XRCC5: variants seen among roughly 807,000 people sequenced by gnomAD.
XRCC5 encodes the protein X-ray repair cross complementing 5, also known as DNA repair protein Ku80.
A neutral mutation model predicts 95.7 loss-of-function variants in XRCC5; 12 were observed. The ratio of observed to expected loss-of-function variants is 0.13; its 90% CI spans 0.08 to 0.20. XRCC5 has a LOEUF of 0.20. Among genes scored for constraint, XRCC5 ranks in the 10% least tolerant of loss-of-function variants. The pLI is 1.00. For synonymous variants in XRCC5, 281 were observed against 290.3 expected (o/e 0.97, Z 0.33); for missense variants, 595 against 873.9 (o/e 0.68, Z 4.02).
chr2:216,128,590 C>T (rs1297183710), intron 8 of XRCC5, among the ~76,000 whole-genome samples: 1 of 152,126 alleles, frequency 6.6e-6, no homozygotes, highest in Non-Finnish European at 1.5e-5. Flanking sequence ...AATCATGGTT[C>T]CATCATTGGT....
At chr2:216,137,760 C>T (rs1462644574) in intron 11 of XRCC5, among the ~76,000 whole-genome samples, 3 of 152,192 alleles carry the variant, frequency 2.0e-5, no homozygotes, top group East Asian at 1.9e-4. Flanking sequence ...TTACTGTGGC[C>T]GAACTGGAAA....
Position 216,178,637 on chromosome 2 carries a change from G to C in XRCC5, c.1835-11588G>C, listed in dbSNP as rs575842389. On this transcript the variant is annotated intron_variant, in intron 16 of 20. Transcript: ENST00000392132. ...CATGCATATAATCATGACAATGTTG[G>C]ATGTGATATCTCATCCCTGTACATC... 1.6e-3 allele frequency among the ~76,000 whole-genome samples: 246 copies of C among 152,288 alleles called. 2 individuals carry two copies. Among genetic ancestry groups the C allele is most frequent in the African/African-American group, 5.7e-3 (236 of 41,546 alleles).
intron 14 of XRCC5, among the ~76,000 whole-genome samples, chr2:216,154,969 AAAAC>A (rs201362223): frequency 0.011 from 1,672 of 152,238 alleles, 14 homozygotes; most frequent in Admixed American, 0.026. Context: ...CTTATTAAAA[AAAAC>A]CATTTATCAT....
chr2:216,193,994 C>T (rs1418625919), intron 18 of XRCC5, among the ~76,000 whole-genome samples: 2 of 152,202 alleles, frequency 1.3e-5, no homozygotes, highest in Non-Finnish European at 2.9e-5. Flanking sequence ...ACCATGTTTT[C>T]TTCCTCCCTA....
intron 6 of XRCC5, among the ~76,000 whole-genome samples, chr2:216,125,004 G>C (rs1190501794): frequency 6.6e-6 from 1 of 152,142 alleles, no homozygotes; most frequent in Non-Finnish European, 1.5e-5. Flanking sequence ...GCTTTACCTT[G>C]AGACTAAATA....
chr2:216,131,465 G>A (rs1204010605), intron 9 of XRCC5, among the ~76,000 whole-genome samples: 1 of 152,164 alleles, frequency 6.6e-6, no homozygotes, highest in Non-Finnish European at 1.5e-5. Context: ...TGGTAGATAA[G>A]TGCAGGTGGT....
chr2:216,113,161 C>A (rs1408907264), intron 2 of XRCC5, 32 bp downstream of exon 2: 1 of 1,581,132 alleles, frequency 6.3e-7, no homozygotes, highest in South Asian at 1.1e-5. Flanking sequence ...AGCTTGTAAC[C>A]CATGTTTGAA....
intron 10 of XRCC5, among the ~76,000 whole-genome samples, chr2:216,134,680 C>G (rs1010955625): frequency 3.2e-4 from 49 of 151,476 alleles, no homozygotes; most frequent in East Asian, 3.9e-4. Context: ...CCACCCCCCC[C>G]CCTCCTCGGC....
chr2:216,147,975 G>A, intron 13 of XRCC5, 108 bp from the exon 14 acceptor site: 1 of 1,193,352 alleles, frequency 8.4e-7, no homozygotes, highest in African/African-American at 1.6e-5. Context: ...CATGTGGTAT[G>A]AATCACTTAG....
At chr2:216,135,698 C>G (rs1416622252) in intron 10 of XRCC5, among the ~76,000 whole-genome samples, 1 of 151,888 alleles carries the variant, frequency 6.6e-6, no homozygotes. Flanking sequence ...ACTCGGGAGG[C>G]TGAGGCACAA....
At chr2:216,144,206 A>C (rs1342888586) in intron 13 of XRCC5, among the ~76,000 whole-genome samples, 1 of 152,236 alleles carries the variant, frequency 6.6e-6, no homozygotes, top group Non-Finnish European at 1.5e-5. Flanking sequence ...AAGGCGGTGC[A>C]TGTGGTAAGG....
At position 216,190,283 on chromosome 2, in the gene XRCC5, T is replaced by C; in HGVS notation, c.1893T>C (p.Tyr631=). 6.2e-7 allele frequency: 1 copy of C among 1,614,100 alleles called. No homozygotes were observed. Among genetic ancestry groups the C allele is most frequent in the Non-Finnish European group, 8.5e-7 (1 of 1,179,964 alleles). ...EQFLDTNETP[Y]FMKSIDCIRA... is the part of the protein sequence containing the mutation. ...TTTTGGATACTAATGAAACACCGTA[T>C]TTTATGAAGAGCATAGACTGCATCC... The change falls in exon 17 of 21, where the codon TAT becomes TAC. Residue 631 remains tyrosine (Y), a synonymous_variant. Coordinates refer to ENST00000392132, the MANE Select transcript of XRCC5 (RefSeq NM_021141.4).
At position 216,148,277 on chromosome 2, in the gene XRCC5, G is replaced by GT; in HGVS notation, c.1670+2dup. ...CTGCTCAGGAAATTTTCCAAGACAA[G>GT]TAAGTACTTGGTATAGTTGCATTTA... On this transcript the variant is annotated splice_donor_variant, in intron 14 of 20. Coordinates refer to ENST00000392132, the MANE Select transcript of XRCC5 (RefSeq NM_021141.4). LOFTEE classifies it high-confidence loss of function. 6.2e-7 allele frequency: 1 copy of GT among 1,609,008 alleles called. No homozygotes were observed.
At chr2:216,141,776 C>G (rs1241817467) in intron 13 of XRCC5, among the ~76,000 whole-genome samples, 1 of 151,886 alleles carries the variant, frequency 6.6e-6, no homozygotes, top group Non-Finnish European at 1.5e-5. Flanking sequence ...GTCTTGGCCA[C>G]GTGCGGTGGT....
At chr2:216,182,411 A>G (rs115694172) in intron 16 of XRCC5, among the ~76,000 whole-genome samples, 14 of 152,314 alleles carry the variant, frequency 9.2e-5, no homozygotes, top group African/African-American at 1.7e-4. Context: ...TACAGTACCA[A>G]TCACTATTAT....
At position 216,125,950 on chromosome 2, in the gene XRCC5, A is replaced by G. The variant is rs1696894044; in HGVS notation, c.717A>G (p.Lys239=). 1 of 1,614,010 alleles carries G rather than the reference A, an allele frequency of 6.2e-7. No homozygotes were observed. ...ESLRKLCVFK[K]IERHSIHWPC... is the part of the protein sequence containing the mutation. ...TGAGAAAACTGTGCGTCTTCAAGAA[A>G]ATTGAGAGGCATTCCATTCACTGGC... The change falls in exon 7 of 21, where the codon AAA becomes AAG. Residue 239 remains lysine (K), a synonymous_variant. Transcript: ENST00000392132.
At chr2:216,200,555 A>G (rs1023854806) in intron 19 of XRCC5, among the ~76,000 whole-genome samples, 3 of 152,182 alleles carry the variant, frequency 2.0e-5, no homozygotes, top group Non-Finnish European at 2.9e-5. Flanking sequence ...TGTACAGTAA[A>G]TGCACAGATC....
In XRCC5 at chr2:216,192,683, A is replaced by G. The variant is rs1019497884; in HGVS notation, c.1989A>G (p.Gln663=). Residue 663 remains glutamine (Q), a synonymous_variant, in exon 18 of 21, where the codon CAA becomes CAG. Coordinates refer to ENST00000392132, the MANE Select transcript of XRCC5 (RefSeq NM_021141.4). ...QRFNNFLKAL[Q]EKVEIKQLNH... is the part of the protein sequence containing the mutation. ...TTAACAACTTCCTGAAAGCCCTTCAAGAGAAAGTGGAAATTAAACAATTAA... is the reference window on the plus strand; with the variant it reads ...TTAACAACTTCCTGAAAGCCCTTCAGGAGAAAGTGGAAATTAAACAATTAA... 1 of 1,601,464 alleles carries G rather than the reference A, an allele frequency of 6.2e-7. No individual in the cohort carries two copies. The highest frequency in any genetic ancestry group is 8.5e-7 in the Non-Finnish European group (1 of 1,173,398).
At chr2:216,136,966 T>G in intron 10 of XRCC5, 122 bp from the exon 11 acceptor site, 1 of 1,237,506 alleles carries the variant, frequency 8.1e-7, no homozygotes, top group Non-Finnish European at 1.1e-6. Context: ...GTCCTTCAAG[T>G]CAGGGGGCAC....
Sources: gnomAD v4.1 joint callset for allele counts (sites outside exome capture counted in the v4.1 genomes callset) on GRCh38, gnomAD v4.1.1 for gene constraint, MANE v1.5 for transcripts, NCBI Gene and HGNC (gene_info 2026-07-23, HGNC 2026-07-21) for gene names.